Variants in CTH observed in about 807,000 individuals in gnomAD.
CTH encodes cystathionine gamma-lyase.
Under a neutral mutation model 50.6 loss-of-function variants are expected in CTH, and 41 were observed. The observed-to-expected ratio is 0.81, with a 90% confidence interval of 0.63 to 1.05. The LOEUF (loss-of-function observed/expected upper bound fraction) is 1.05. Ranked by LOEUF, CTH falls within the 50% of genes least tolerant of loss-of-function variation. The probability of loss-of-function intolerance (pLI) is 0.00; values close to 1 mark genes in which losing one functional copy is unlikely to be tolerated. For synonymous variants in CTH, 156 were observed against 168.9 expected (o/e 0.92, Z 0.59); for missense variants, 470 against 492.6 (o/e 0.95, Z 0.43).
chr1:70,415,933 G>A lies in CTH; in HGVS notation c.169-23G>A, dbSNP rs560433311. On this transcript the variant is annotated intron_variant, in intron 1 of 11. Coordinates refer to ENST00000370938, the MANE Select transcript of CTH (RefSeq NM_001902.6). ...ATAATAAACTGAAATCTCTTAGGAT[G>A]AACTCGAACTTGTTTTTTTCAGGGT... The A allele has an allele frequency of 3.3e-5, 45 of 1,359,194 alleles. 2 individuals are homozygous for A. The South Asian group carries it at 5.1e-4, about 15-fold the overall frequency. 84.2% of individuals were successfully genotyped at this position (1,359,194 alleles called of 1,614,324 possible).
chr1:70,421,738 G>A, intron 4 of CTH, 63 bp downstream of exon 4: 1 of 1,480,818 alleles, frequency 6.8e-7, no homozygotes, highest in Non-Finnish European at 9.4e-7. Context: ...CATCATTTCT[G>A]TTTACTAGAG....
At position 70,421,462 on chromosome 1, in the gene CTH, G is replaced by A. The variant is rs1199189618; in HGVS notation, c.347-104G>A. On this transcript the variant is annotated intron_variant, in intron 3 of 11. Transcript: ENST00000370938. ...ATTGCTTTTAGTTGCATTTTCCTTGGTGACTGAGAGTTCCATATATTTTGT... is the reference window on the plus strand; with the variant it reads ...ATTGCTTTTAGTTGCATTTTCCTTGATGACTGAGAGTTCCATATATTTTGT... 4 of 1,211,378 alleles carry A rather than the reference G, an allele frequency of 3.3e-6. No homozygotes were observed. In the African/African-American group the frequency reaches 4.5e-5, roughly 14 times the overall value. The allele number at this position is 1,211,378 out of a possible 1,614,324, so 75.0% of individuals were successfully genotyped here.
chr1:70,434,045 T>A, intron 9 of CTH, 96 bp downstream of exon 9: 1 of 1,572,410 alleles, frequency 6.4e-7, no homozygotes, highest in African/African-American at 1.4e-5. Flanking sequence ...TGTTTTTGTA[T>A]CTGCAGGTTA....
intron 1 of CTH, among the ~76,000 whole-genome samples, chr1:70,413,553 G>T (rs907163042): frequency 1.3e-5 from 2 of 151,006 alleles, no homozygotes; most frequent in African/African-American, 4.9e-5. Context: ...TGTGAGCCAC[G>T]GCGCCCGGCT....
At chr1:70,421,808 T>A in intron 4 of CTH, 133 bp downstream of exon 4, 1 of 873,878 alleles carries the variant, frequency 1.1e-6, no homozygotes, top group Non-Finnish European at 1.9e-6. Context: ...TCAACAAAAT[T>A]AAGATAGACT....
intron 10 of CTH, among the ~76,000 whole-genome samples, chr1:70,436,492 C>T (rs1324489390): frequency 2.6e-5 from 4 of 152,008 alleles, no homozygotes; most frequent in Non-Finnish European, 4.4e-5. Context: ...CTATTTTTAA[C>T]TGTACTAAAT....
At chr1:70,411,812 T>A (rs490574) in intron 1 of CTH, among the ~76,000 whole-genome samples, 126,153 of 152,206 alleles carry the variant, frequency 0.83, 52,416 homozygotes, top group East Asian at 0.9. Context: ...AGCTTGCCAT[T>A]TAGATTTGGC....
chr1:70,432,379 G>C (rs1026220601), intron 8 of CTH, 144 bp downstream of exon 8: 1 of 982,690 alleles, frequency 1.0e-6, no homozygotes, highest in Non-Finnish European at 1.5e-6. Context: ...CATGTGTCAG[G>C]CTCTGTGGTG....
chr1:70,439,286 TAA>T lies in CTH; in HGVS notation c.*163_*164del. 1.5e-6 allele frequency: 1 copy of T among 686,382 alleles called. No homozygotes were observed. The highest frequency in any genetic ancestry group is 2.6e-6 in the Non-Finnish European group (1 of 385,518). The allele number at this position is 686,382 out of a possible 1,614,324, so 42.5% of individuals were successfully genotyped here. ...TAATTTTCTTAGGGATCATCTCTGT[TAA>T]AAAGTTTTCTGTATGTCATGTTATA... On this transcript the variant is annotated 3_prime_UTR_variant, in exon 12 of 12. Coordinates refer to ENST00000370938, the MANE Select transcript of CTH (RefSeq NM_001902.6).
At chr1:70,431,522 A>G (rs920653096) in intron 7 of CTH, among the ~76,000 whole-genome samples, 1 of 152,230 alleles carries the variant, frequency 6.6e-6, no homozygotes, top group Non-Finnish European at 1.5e-5. Context: ...GTAACTTGAC[A>G]GGTAAAATAT....
At position 70,415,903 on chromosome 1, in the gene CTH, C is replaced by A. The variant is rs41313347; in HGVS notation, c.169-53C>A. The A allele has an allele frequency of 8.8e-3, 8,339 of 947,652 alleles. 53 individuals carry two copies. Among genetic ancestry groups the A allele is most frequent in the Non-Finnish European group, 0.01 (5,840 of 571,924 alleles). The allele number at this position is 947,652 out of a possible 1,614,324, so 58.7% of individuals were successfully genotyped here. On this transcript the variant is annotated intron_variant, in intron 1 of 11. Transcript: ENST00000370938. ...GAAACTATAGTTCTCTATGTTAGGA[C>A]TCTGATAATAAACTGAAATCTCTTA...
At chr1:70,413,885 C>T (rs1337014986) in intron 1 of CTH, among the ~76,000 whole-genome samples, 4 of 150,906 alleles carry the variant, frequency 2.7e-5, no homozygotes, top group Non-Finnish European at 5.9e-5. Context: ...GAGATTACAG[C>T]TGCCCGCCAC....
At chr1:70,433,079 C>G (rs1684516641) in intron 8 of CTH, among the ~76,000 whole-genome samples, 3 of 152,108 alleles carry the variant, frequency 2.0e-5, no homozygotes, top group South Asian at 2.1e-4. Flanking sequence ...TGACTTACAT[C>G]TTACTTTTTG....
At chr1:70,432,678 CTCTCTTTTTTTT>C (rs1438224769) in intron 8 of CTH, among the ~76,000 whole-genome samples, 2 of 128,286 alleles carry the variant, frequency 1.6e-5, no homozygotes, top group Non-Finnish European at 3.2e-5. Flanking sequence ...GGTTCTCTCT[CTCTCTTTTTTTT>C]TTTTTTTTTT....
intron 5 of CTH, among the ~76,000 whole-genome samples, chr1:70,427,863 C>G (rs971236010): frequency 6.6e-6 from 1 of 152,082 alleles, no homozygotes; most frequent in Non-Finnish European, 1.5e-5. Context: ...CAGGTTTCCA[C>G]CACCACCCCC....
At chr1:70,431,652 A>G (rs1684478221) in intron 7 of CTH, among the ~76,000 whole-genome samples, 1 of 152,234 alleles carries the variant, frequency 6.6e-6, no homozygotes, top group African/African-American at 2.4e-5. Context: ...ATGTGAAATC[A>G]TTGACCGCTT....
intron 3 of CTH, 115 bp downstream of exon 3, chr1:70,418,147 C>T (rs1247835016): frequency 2.1e-5 from 26 of 1,242,290 alleles, no homozygotes; most frequent in African/African-American, 7.5e-5. Flanking sequence ...TTATAGTTTA[C>T]AGGTGTGACA....
chr1:70,428,207 C>G (rs958487134), intron 5 of CTH, among the ~76,000 whole-genome samples: 1 of 151,928 alleles, frequency 6.6e-6, no homozygotes, highest in African/African-American at 2.4e-5. Flanking sequence ...GTGAATAGAA[C>G]AGCGGTTACT....
intron 9 of CTH, 33 bp downstream of exon 9, chr1:70,433,982 A>G (rs760082997): frequency 2.8e-5 from 45 of 1,612,334 alleles, no homozygotes; most frequent in Non-Finnish European, 3.6e-5. Flanking sequence ...AAATTGTAGG[A>G]GGTAAGGCCT....
Sources: gnomAD v4.1 joint callset for allele counts (sites outside exome capture counted in the v4.1 genomes callset) on GRCh38, gnomAD v4.1.1 for gene constraint, MANE v1.5 for transcripts, NCBI Gene and HGNC (gene_info 2026-07-23, HGNC 2026-07-21) for gene names.